The following AKAP8 variants were observed in gnomAD, a reference collection of about 807,000 sequenced individuals.
AKAP8 encodes the protein A-kinase anchoring protein 8, also known as A-kinase anchor protein 8.
A neutral mutation model predicts 67.5 loss-of-function variants in AKAP8; 24 were observed. The observed-to-expected ratio is 0.36, with a 90% CI of 0.26 to 0.50. The LOEUF is 0.50. Ranked by LOEUF, AKAP8 falls within the 20% of genes least tolerant of loss-of-function variation. The pLI is 0.97. For synonymous variants in AKAP8, 400 were observed against 371.1 expected (o/e 1.08, Z -0.90); for missense variants, 971 against 955.9 (o/e 1.02, Z -0.21).
Position 15,371,980 on chromosome 19 carries a change from A to G in AKAP8, c.1010T>C (p.Phe337Ser), listed in dbSNP as rs770882953. ...FSENDDAAGD[F>S]RSGDEEFKGE... is the part of the protein sequence containing the mutation. The stretch of plus-strand genomic sequence containing the variant: ...CTTGAATTCTTCATCTCCTGAGCGG[A>G]AGTCACCAGCTGCGTCATCTGCCAG... The change falls in exon 7 of 14, where the codon TTC becomes TCC. Residue 337 changes from phenylalanine (F) to serine (S), a missense_variant. Coordinates refer to ENST00000269701, the MANE Select transcript of AKAP8 (RefSeq NM_005858.4). The G allele has an allele frequency of 6.2e-7, 1 of 1,614,134 alleles. No individual in the cohort carries two copies. Among genetic ancestry groups the G allele is most frequent in the South Asian group, 1.1e-5 (1 of 91,068 alleles).
intron 3 of AKAP8, 101 bp from the exon 4 acceptor site, chr19:15,374,166 A>AC (rs1967211931): frequency 1.5e-6 from 2 of 1,370,970 alleles, no homozygotes; most frequent in Non-Finnish European, 2.0e-6. Flanking sequence ...GAGAAGGAAA[A>AC]CGGGTGTGGG....
chr19:15,360,712 G>A (rs887101795), intron 12 of AKAP8, 136 bp downstream of exon 12: 25 of 1,120,316 alleles, frequency 2.2e-5, no homozygotes, highest in African/African-American at 4.8e-5. Flanking sequence ...CGAATCTTAC[G>A]ACCCATCGAT....
In AKAP8 at chr19:15,373,751, TG is replaced by T; in HGVS notation, c.371+34del. 3 of 1,578,818 alleles carry T rather than the reference TG, an allele frequency of 1.9e-6. No homozygotes were observed. The South Asian group carries it at 3.4e-5, about 18-fold the overall frequency. On this transcript the variant is annotated intron_variant, in intron 4 of 13. Coordinates refer to ENST00000269701, the MANE Select transcript of AKAP8 (RefSeq NM_005858.4). Reference sequence around the variant, plus strand: ...CCATGCGCACAAAGGTGGGGATGTGTGGGGTCCCGGGGGAGGGCTTGGGTCC... The same window carrying T: ...CCATGCGCACAAAGGTGGGGATGTGTGGGTCCCGGGGGAGGGCTTGGGTCC...
Position 15,372,266 on chromosome 19 carries a change from C to A in AKAP8, c.943G>T (p.Asp315Tyr). The A allele has an allele frequency of 2.5e-6, 4 of 1,614,218 alleles. No homozygotes were observed. Among genetic ancestry groups the A allele is most frequent in the Non-Finnish European group, 3.4e-6 (4 of 1,180,040 alleles). The change falls in exon 6 of 14, where the codon GAC becomes TAC. Residue 315 changes from aspartate to tyrosine, a missense_variant. Physicochemically the swap from Asp to Tyr is radical, Grantham distance 160. Coordinates refer to ENST00000269701, the MANE Select transcript of AKAP8 (RefSeq NM_005858.4). ...CTGTCAACCCGGGCCAGTTTGGTGTCTGGCTCCTCGTAAAGTTGGAACTGC... is the reference window on the plus strand; with the variant it reads ...CTGTCAACCCGGGCCAGTTTGGTGTATGGCTCCTCGTAAAGTTGGAACTGC... ...RKQFQLYEEP[D>Y]TKLARVDSEG...
At chr19:15,377,766 C>A (rs1044458333) in intron 1 of AKAP8, among the ~76,000 whole-genome samples, 4 of 152,342 alleles carry the variant, frequency 2.6e-5, no homozygotes, top group Admixed American at 6.5e-5. Context: ...CCGCGCCAGG[C>A]CCTTCCTGCC....
intron 8 of AKAP8, 88 bp from the exon 9 acceptor site, chr19:15,368,410 C>T: frequency 6.3e-7 from 1 of 1,599,894 alleles, no homozygotes; most frequent in Non-Finnish European, 8.5e-7. Flanking sequence ...GCAGCTTGGC[C>T]ACCGCACCCT....
intron 5 of AKAP8, 49 bp downstream of exon 5, chr19:15,372,802 G>A (rs751789804): frequency 1.4e-6 from 2 of 1,475,524 alleles, no homozygotes; most frequent in South Asian, 3.0e-5. Context: ...CAATAAAGCT[G>A]CTAAAAAGAG....
chr19:15,378,396 T>C (rs753772404), intron 1 of AKAP8, among the ~76,000 whole-genome samples: 7 of 152,090 alleles, frequency 4.6e-5, no homozygotes, highest in Non-Finnish European at 7.4e-5. Flanking sequence ...GAAGCTTAAC[T>C]ATCTCCAGTG....
chr19:15,368,115 T>C (rs1250398368), intron 9 of AKAP8, 120 bp downstream of exon 9: 1 of 1,296,434 alleles, frequency 7.7e-7, no homozygotes, highest in African/African-American at 1.5e-5. Flanking sequence ...TCCCACTGGT[T>C]TGGCCAGAGG....
intron 8 of AKAP8, 26 bp downstream of exon 8, chr19:15,370,120 G>A (rs766206094): frequency 6.2e-7 from 1 of 1,613,986 alleles, no homozygotes; most frequent in Non-Finnish European, 8.5e-7. Context: ...ACACAGGAAA[G>A]CTGCAAGGGA....
At position 15,354,873 on chromosome 19, in the gene AKAP8, A is replaced by G. The variant is rs1400412810; in HGVS notation, c.*42T>C. 1 of 1,600,272 alleles carries G rather than the reference A, an allele frequency of 6.2e-7. No individual in the cohort carries two copies. Among genetic ancestry groups the G allele is most frequent in the African/African-American group, 1.3e-5 (1 of 74,852 alleles). On this transcript the variant is annotated 3_prime_UTR_variant, in exon 14 of 14. Transcript: ENST00000269701. ...CAAACCAAGGGAGAAAGACCAACGC[A>G]TCCATCATCCCAACGCCTTCCCTGG...
chr19:15,377,503 C>T (rs915039246), intron 1 of AKAP8, among the ~76,000 whole-genome samples: 1 of 152,174 alleles, frequency 6.6e-6, no homozygotes, highest in African/African-American at 2.4e-5. Context: ...GGGTCTTGCT[C>T]TGTTGCCCAG....
chr19:15,361,574 G>C (rs1599558479), intron 11 of AKAP8, 155 bp downstream of exon 11: 1 of 603,196 alleles, frequency 1.7e-6, no homozygotes, highest in South Asian at 1.9e-5. Flanking sequence ...GGATGGCCTT[G>C]ATCTCCTGAC....
rs1421749296 is a variant in AKAP8, at chr19:15,369,136, A to G, written c.1073-814T>C. On this transcript the variant is annotated intron_variant, in intron 8 of 13. Transcript: ENST00000269701. This position sits in a 1 kb window ranked among gnomAD's most constrained non-coding sequence, Gnocchi z 4.6. ...CGTGCGCTGCTCAGAAGCCTCTCAA[A>G]AGGGCGTGTGGGATTTTTGGCAAGA... 2 of 985,336 alleles carry G rather than the reference A, an allele frequency of 2.0e-6. No individual in the cohort carries two copies. The highest frequency in any genetic ancestry group is 2.4e-6 in the Non-Finnish European group (2 of 829,966). The allele number at this position is 985,336 out of a possible 1,614,324, so 61.0% of individuals were successfully genotyped here.
At position 15,373,065 on chromosome 19, in the gene AKAP8, G is replaced by A. The variant is rs757681607; in HGVS notation, c.647C>T (p.Ser216Phe). 1.9e-6 allele frequency: 3 copies of A among 1,607,730 alleles called. No individual in the cohort carries two copies. In the African/African-American group the frequency reaches 4.0e-5, roughly 21 times the overall value. Reference protein sequence around the residue: ...RSDPFVPPAASSEPLSTPWNE... With the variant: ...RSDPFVPPAAFSEPLSTPWNE... ...CCAGGGCGTGGACAGGGGCTCAGAGGACGCAGCGGGGGGCACGAAGGGGTC... is the reference window on the plus strand; with the variant it reads ...CCAGGGCGTGGACAGGGGCTCAGAGAACGCAGCGGGGGGCACGAAGGGGTC... The change falls in exon 5 of 14, where the codon TCC becomes TTC. Residue 216 changes from serine (S) to phenylalanine (F), a missense_variant. Coordinates refer to ENST00000269701, the MANE Select transcript of AKAP8 (RefSeq NM_005858.4).
Position 15,374,072 on chromosome 19 carries a change from C to T in AKAP8, c.92-7G>A, listed in dbSNP as rs771656591. 3.4e-5 allele frequency: 52 copies of T among 1,540,266 alleles called. No homozygotes were observed. The highest frequency in any genetic ancestry group is 6.4e-5 in the Admixed American group (3 of 46,822). On this transcript the variant is annotated splice_region_variant and splice_polypyrimidine_tract_variant and intron_variant, in intron 3 of 13. Coordinates refer to ENST00000269701, the MANE Select transcript of AKAP8 (RefSeq NM_005858.4). Reference sequence around the variant, plus strand: ...TAATTGTAGTTTTCATAACCTGTCACAGGGGGAGGAGCCAAGTCAGACTTC... The same window carrying T: ...TAATTGTAGTTTTCATAACCTGTCATAGGGGGAGGAGCCAAGTCAGACTTC...
chr19:15,379,560 G>A, intron 1 of AKAP8, 153 bp downstream of exon 1: 1 of 794,654 alleles, frequency 1.3e-6, no homozygotes, highest in Non-Finnish European at 1.8e-6. Flanking sequence ...AGCCCAATGA[G>A]CGGCGCGCGC....
rs71176406 is a variant in AKAP8 at position 15,364,108 on chromosome 19, C to CAAAAAAAAAAA, written c.1161-1868_1161-1858dup. ...AATAAATAAATAAATTGGCAGTGGG[C>CAAAAAAAAAAA]AAAAAAAAAAAAAAAAAGAAACAGG... On this transcript the variant is annotated intron_variant, in intron 9 of 13. Coordinates refer to ENST00000269701, the MANE Select transcript of AKAP8 (RefSeq NM_005858.4). Among the ~76,000 whole-genome samples the CAAAAAAAAAAA allele has an allele frequency of 1.7e-3, 88 of 52,328 alleles. 11 individuals are homozygous for CAAAAAAAAAAA. The highest frequency in any genetic ancestry group is 5.7e-3 in the East Asian group (7 of 1,234). 34.3% of individuals were successfully genotyped at this position (52,328 alleles called of 152,430 possible).
chr19:15,372,046 A>G, intron 6 of AKAP8, 48 bp from the exon 7 acceptor site: 1 of 1,612,302 alleles, frequency 6.2e-7, no homozygotes, highest in South Asian at 1.1e-5. Context: ...GAACGGTCCC[A>G]TCCGGTTTCC....
Sources: allele counts gnomAD v4.1 joint callset (sites outside exome capture counted in the v4.1 genomes callset), GRCh38; gene constraint gnomAD v4.1.1; non-coding constraint Gnocchi (gnomAD v3.1); transcripts MANE v1.5; gene names NCBI Gene and HGNC (gene_info 2026-07-23, HGNC 2026-07-21).